The following CSGALNACT1 variants were observed in gnomAD, a reference collection of about 807,000 sequenced individuals.
The protein encoded by CSGALNACT1 is chondroitin sulfate N-acetylgalactosaminyltransferase 1, also known as beta4GalNAcT-1.
CSGALNACT1 carries 52 observed loss-of-function variants against 51.0 expected under a neutral mutation model. The ratio of observed to expected loss-of-function variants is 1.02; its 90% CI spans 0.82 to 1.29. CSGALNACT1 has a LOEUF of 1.29. CSGALNACT1 is among the 50% of genes most tolerant of loss of function. CSGALNACT1 has a pLI of 0.00. For synonymous variants in CSGALNACT1, 341 were observed against 254.4 expected (o/e 1.34, Z -3.24); for missense variants, 935 against 679.2 (o/e 1.38, Z -4.19).
chr8:19,673,707 TG>T lies in CSGALNACT1; in HGVS notation c.-544+8765del, dbSNP rs945178091. Among the ~76,000 whole-genome samples, 1,049 of 152,352 alleles carry T rather than the reference TG, an allele frequency of 6.9e-3. 12 individuals carry two copies. The highest frequency in any genetic ancestry group is 0.024 in the African/African-American group (987 of 41,576). Reference sequence around the variant, plus strand: ...ATGTTCCATACCCCAAAGGTGGGTGTGTGGATGTCAACATCTTAGCACACTT... The same window carrying T: ...ATGTTCCATACCCCAAAGGTGGGTGTTGGATGTCAACATCTTAGCACACTT... On this transcript the variant is annotated intron_variant, in intron 1 of 9. Transcript: ENST00000332246.
intron 8 of CSGALNACT1, among the ~76,000 whole-genome samples, chr8:19,415,245 C>T (rs1022439230): frequency 6.6e-6 from 1 of 152,204 alleles, no homozygotes; most frequent in Non-Finnish European, 1.5e-5. Flanking sequence ...CTTCTGACTT[C>T]TCCTCTCGCA....
At chr8:19,582,477 C>T (rs1015770054) in intron 3 of CSGALNACT1, among the ~76,000 whole-genome samples, 1 of 152,166 alleles carries the variant, frequency 6.6e-6, no homozygotes, top group African/African-American at 2.4e-5. Flanking sequence ...CCAACATTTT[C>T]TGTAGTTCAG....
chr8:19,432,256 T>C (rs1180606770), intron 6 of CSGALNACT1, among the ~76,000 whole-genome samples: 2 of 152,196 alleles, frequency 1.3e-5, no homozygotes, highest in South Asian at 2.1e-4. Flanking sequence ...TTGAAATCTT[T>C]TTCTCACTTT....
chr8:19,746,965 G>C (rs937352598), intron 1 of CSGALNACT1, among the ~76,000 whole-genome samples: 3 of 152,222 alleles, frequency 2.0e-5, no homozygotes, highest in Non-Finnish European at 4.4e-5. Context: ...ACCAGGGAAA[G>C]GGGTTTAAAG....
chr8:19,544,334 A>C (rs765423112), intron 3 of CSGALNACT1, among the ~76,000 whole-genome samples: 17 of 152,232 alleles, frequency 1.1e-4, no homozygotes, highest in Non-Finnish European at 2.5e-4. Flanking sequence ...TACTATTTAA[A>C]AATATCTATG....
At chr8:19,502,299 C>G (rs554107650) in intron 4 of CSGALNACT1, among the ~76,000 whole-genome samples, 14 of 152,242 alleles carry the variant, frequency 9.2e-5, no homozygotes, top group East Asian at 7.7e-4. Flanking sequence ...GAAGGCTGGG[C>G]TGGGAAGGGC....
intron 4 of CSGALNACT1, among the ~76,000 whole-genome samples, chr8:19,492,895 A>G (rs1371389338): frequency 6.6e-6 from 1 of 152,152 alleles, no homozygotes. Flanking sequence ...TTATGGTAAA[A>G]ATAAGATTTA....
At chr8:19,555,483 T>A (rs1171520910) in intron 3 of CSGALNACT1, among the ~76,000 whole-genome samples, 1 of 152,202 alleles carries the variant, frequency 6.6e-6, no homozygotes, top group Non-Finnish European at 1.5e-5. Flanking sequence ...AGATTTCACG[T>A]GCTTCCCATA....
intron 1 of CSGALNACT1, among the ~76,000 whole-genome samples, chr8:19,633,795 G>C (rs991585048): frequency 1.3e-5 from 2 of 152,220 alleles, no homozygotes; most frequent in African/African-American, 4.8e-5. Context: ...CTGAGAAACT[G>C]ATACACATGC....
chr8:19,661,697 C>T (rs1486198049), intron 1 of CSGALNACT1, among the ~76,000 whole-genome samples: 1 of 152,192 alleles, frequency 6.6e-6, no homozygotes, highest in Non-Finnish European at 1.5e-5. Context: ...ATGGAATATT[C>T]TGTTCACATG....
At chr8:19,756,865 A>G (rs949448066) in intron 1 of CSGALNACT1, among the ~76,000 whole-genome samples, 32 of 152,070 alleles carry the variant, frequency 2.1e-4, no homozygotes, top group Admixed American at 1.3e-4. Context: ...ACGCTGGTGA[A>G]GCCAAACCGA....
At chr8:19,518,116 G>A (rs776157600) in intron 3 of CSGALNACT1, among the ~76,000 whole-genome samples, 1 of 152,166 alleles carries the variant, frequency 6.6e-6, no homozygotes, top group Non-Finnish European at 1.5e-5. Context: ...TTAAAAATGA[G>A]CAACACTCCC....
At chr8:19,590,492 C>T (rs1036990878) in intron 3 of CSGALNACT1, among the ~76,000 whole-genome samples, 13 of 152,052 alleles carry the variant, frequency 8.5e-5, no homozygotes, top group African/African-American at 2.4e-4. Flanking sequence ...TGAGACATCG[C>T]GCAGTGCTCA....
chr8:19,528,403 G>C (rs1006873701), intron 3 of CSGALNACT1, among the ~76,000 whole-genome samples: 11 of 152,004 alleles, frequency 7.2e-5, no homozygotes, highest in Non-Finnish European at 1.5e-4. Context: ...AAGTGATAAA[G>C]AGAGACAAAA....
chr8:19,541,742 G>C (rs1448464148), intron 3 of CSGALNACT1, among the ~76,000 whole-genome samples: 3 of 151,574 alleles, frequency 2.0e-5, no homozygotes, highest in Non-Finnish European at 4.4e-5. Context: ...ACTATTGTTA[G>C]TTTGGCTTTT....
At position 19,506,125 on chromosome 8, in the gene CSGALNACT1, G is replaced by A. The variant is rs1407752446; in HGVS notation, c.-291C>T. ...TCCTGATGTGCAGCCAACAGCAAGA[G>A]GGGACCTGGGAAGAAACACAAATGA... On this transcript the variant is annotated 5_prime_UTR_variant, in exon 4 of 10. Transcript: ENST00000454498. The A allele has an allele frequency of 2.9e-5, 18 of 614,212 alleles. 1 individual carries two copies. In the Admixed American group the frequency reaches 3.8e-4, roughly 13 times the overall value. 38.0% of individuals were successfully genotyped at this position (614,212 alleles called of 1,614,324 possible). A position where few individuals can be genotyped will look rare whatever the true frequency, so the allele number is the denominator to read the frequency against.
intron 1 of CSGALNACT1, among the ~76,000 whole-genome samples, chr8:19,750,492 G>T (rs903860256): frequency 6.6e-6 from 1 of 152,178 alleles, no homozygotes; most frequent in Non-Finnish European, 1.5e-5. Flanking sequence ...CACTGCTATT[G>T]GTTGGTACCT....
chr8:19,609,323 C>G (rs929770629), intron 1 of CSGALNACT1, among the ~76,000 whole-genome samples: 8 of 146,966 alleles, frequency 5.4e-5, no homozygotes, highest in Non-Finnish European at 1.0e-4. Context: ...CTCAGGGATC[C>G]TACAATTGCT....
At chr8:19,474,445 A>T (rs1325910245) in intron 4 of CSGALNACT1, among the ~76,000 whole-genome samples, 2 of 152,194 alleles carry the variant, frequency 1.3e-5, no homozygotes, top group East Asian at 3.8e-4. Context: ...GAATCGAAAT[A>T]ACATATCATT....
Sources: allele counts gnomAD v4.1 joint callset (sites outside exome capture counted in the v4.1 genomes callset), GRCh38; gene constraint gnomAD v4.1.1; transcripts MANE v1.5; gene names NCBI Gene and HGNC (gene_info 2026-07-23, HGNC 2026-07-21).